Variants in COBL observed in about 807,000 individuals in gnomAD.
COBL encodes cordon-bleu WH2 repeat protein, also known as protein cordon-bleu.
A neutral mutation model predicts 98.8 loss-of-function variants in COBL; 51 were observed. That is an observed-to-expected ratio of 0.52 (90% CI 0.41 to 0.65). The LOEUF is 0.65. Ranked by LOEUF, COBL falls within the 30% of genes least tolerant of loss-of-function variation. COBL has a pLI of 0.00. For synonymous variants in COBL, 634 were observed against 651.7 expected (o/e 0.97, Z 0.41); for missense variants, 1,617 against 1,617.5 (o/e 1.00, Z 0.01).
chr7:51,113,129 T>G (rs1450052374), intron 6 of COBL, among the ~76,000 whole-genome samples: 2 of 152,152 alleles, frequency 1.3e-5, no homozygotes, highest in Admixed American at 1.3e-4. Flanking sequence ...GGAATAGACT[T>G]CCACCCAGGA....
intron 1 of COBL, among the ~76,000 whole-genome samples, chr7:51,237,470 A>G (rs986265848): frequency 6.6e-6 from 1 of 151,450 alleles, no homozygotes. Context: ...GTAACAGCTG[A>G]ATTTACTTTT....
At chr7:51,240,610 G>A (rs1192401699) in intron 1 of COBL, among the ~76,000 whole-genome samples, 1 of 152,170 alleles carries the variant, frequency 6.6e-6, no homozygotes, top group Non-Finnish European at 1.5e-5. Context: ...GCACTGGCGC[G>A]ATCGCGGCTC....
intron 7 of COBL, among the ~76,000 whole-genome samples, chr7:51,046,368 G>T (rs141387924): frequency 8.9e-4 from 135 of 152,264 alleles, no homozygotes; most frequent in African/African-American, 3.1e-3. Flanking sequence ...GTCAGAGAGA[G>T]CACAGATCTG....
At chr7:51,128,546 G>A (rs1798439170) in intron 6 of COBL, among the ~76,000 whole-genome samples, 1 of 152,204 alleles carries the variant, frequency 6.6e-6, no homozygotes, top group Non-Finnish European at 1.5e-5. Flanking sequence ...CGGGGAGCAG[G>A]TGCTGAAGAA....
chr7:51,098,325 A>G (rs1326769655), intron 6 of COBL, among the ~76,000 whole-genome samples: 2 of 151,406 alleles, frequency 1.3e-5, no homozygotes, highest in African/African-American at 4.9e-5. Context: ...GAAGAAAACA[A>G]TAAAACATAG....
rs114806252 is a variant in COBL at position 51,202,056 on chromosome 7, G to A, written c.246-8467C>T. ...GGCCATCTCCGTTATCAGATCGCTT[G>A]TCATGGTATTGCAGTGCTTGTGTTT... On this transcript the variant is annotated intron_variant, in intron 2 of 12. Transcript: ENST00000265136. Among the ~76,000 whole-genome samples, 1,371 of 152,254 alleles carry A rather than the reference G, an allele frequency of 9.0e-3. 25 individuals carry two copies. Among genetic ancestry groups the A allele is most frequent in the African/African-American group, 0.031 (1,304 of 41,538 alleles).
intron 5 of COBL, among the ~76,000 whole-genome samples, chr7:51,138,338 A>G (rs960573113): frequency 2.8e-4 from 43 of 152,248 alleles, no homozygotes; most frequent in Admixed American, 2.6e-3. Flanking sequence ...ACTCTGCCTT[A>G]CATCCACCTC....
chr7:51,085,862 C>G (rs537479836), intron 6 of COBL, among the ~76,000 whole-genome samples: 1 of 152,154 alleles, frequency 6.6e-6, no homozygotes, highest in Non-Finnish European at 1.5e-5. Flanking sequence ...GATCCAGAAT[C>G]GCAATGAAGT....
At chr7:51,191,129 C>A (rs1160138336) in intron 3 of COBL, 51 bp from the exon 4 acceptor site, 5 of 1,507,392 alleles carry the variant, frequency 3.3e-6, no homozygotes, top group Middle Eastern at 1.7e-4. Flanking sequence ...CTCCCACAAG[C>A]CTTCAACTCT....
chr7:51,243,119 G>A (rs1001985793), intron 1 of COBL, among the ~76,000 whole-genome samples: 16 of 152,200 alleles, frequency 1.1e-4, no homozygotes, highest in African/African-American at 3.1e-4. Context: ...CACTAAGGAC[G>A]GATGGGCAAA....
intron 2 of COBL, among the ~76,000 whole-genome samples, chr7:51,213,268 C>T (rs1280553526): frequency 6.6e-6 from 1 of 152,182 alleles, no homozygotes; most frequent in East Asian, 1.9e-4. Context: ...TGTTAGAAGC[C>T]AGGTCGCACA....
chr7:51,270,027 C>T (rs1158929587), intron 1 of COBL, among the ~76,000 whole-genome samples: 5 of 152,146 alleles, frequency 3.3e-5, no homozygotes, highest in Admixed American at 6.5e-5. Context: ...AAGTTCCCAA[C>T]GGACATGTTT....
intron 2 of COBL, among the ~76,000 whole-genome samples, chr7:51,218,569 G>A (rs923967724): frequency 1.3e-5 from 2 of 152,208 alleles, no homozygotes; most frequent in African/African-American, 4.8e-5. Context: ...TGTCTCCTGG[G>A]TTCAAGCAAT....
chr7:51,124,410 A>G (rs1798013106), intron 6 of COBL, among the ~76,000 whole-genome samples: 1 of 152,138 alleles, frequency 6.6e-6, no homozygotes, highest in Admixed American at 6.5e-5. Context: ...GTCTGCTTGG[A>G]CTTCTTCCAT....
intron 2 of COBL, among the ~76,000 whole-genome samples, chr7:51,209,533 A>G (rs1349333336): frequency 1.3e-5 from 2 of 152,222 alleles, no homozygotes. Context: ...GCTCCAGGAA[A>G]CAAAACAGGG....
chr7:51,244,302 A>AGTGG (rs1485625143), intron 1 of COBL, among the ~76,000 whole-genome samples: 1 of 152,208 alleles, frequency 6.6e-6, no homozygotes, highest in Non-Finnish European at 1.5e-5. Flanking sequence ...CCATGACTGT[A>AGTGG]GTGGGTATTT....
rs112262805 is a variant in COBL at position 51,029,065 on chromosome 7, G to T, written c.2031C>A (p.Asn677Lys). The stretch of plus-strand genomic sequence containing the variant: ...TTGGTGCCAAGGCAGCGTTTTTATC[G>T]TTGCTGTCCTTTTCATTCACCGGTT... ...NSQPVNEKDS[N>K]DKNAALAPTS... Residue 677 changes from asparagine (N) to lysine (K), a missense_variant, in exon 10 of 13, where the codon AAC becomes AAA. Physicochemically the swap from Asn to Lys is moderately conservative, Grantham distance 94. This residue lies in a region of COBL where 1,304 missense variants were observed against 1,282.0 expected (regional missense o/e 1.02). Coordinates refer to ENST00000265136, the MANE Select transcript of COBL (RefSeq NM_015198.5). 3.7e-6 allele frequency: 6 copies of T among 1,614,094 alleles called. No individual in the cohort carries two copies. Among genetic ancestry groups the T allele is most frequent in the Non-Finnish European group, 5.1e-6 (6 of 1,180,022 alleles).
At chr7:51,214,272 A>AAAT in intron 2 of COBL, among the ~76,000 whole-genome samples, 1 of 140,274 alleles carries the variant, frequency 7.1e-6, no homozygotes, top group African/African-American at 2.6e-5. Flanking sequence ...TCATCTATTA[A>AAAT]AAATAAATAA....
chr7:51,107,239 C>T (rs372700511), intron 6 of COBL, among the ~76,000 whole-genome samples: 7 of 151,666 alleles, frequency 4.6e-5, no homozygotes, highest in East Asian at 1.9e-4. Flanking sequence ...GGACTACAGG[C>T]GCACGCCACC....
Sources: gnomAD v4.1 joint callset for allele counts (sites outside exome capture counted in the v4.1 genomes callset) on GRCh38, gnomAD v4.1.1 for gene constraint, gnomAD v4.1.1 regional missense constraint, MANE v1.5 for transcripts, NCBI Gene and HGNC (gene_info 2026-07-23, HGNC 2026-07-21) for gene names.